The following ROBO1 variants were observed in gnomAD, a reference collection of about 807,000 sequenced individuals.
ROBO1 encodes roundabout homolog 1.
Under a neutral mutation model 195.9 loss-of-function variants are expected in ROBO1, and 149 were observed. That is an observed-to-expected ratio of 0.76 (90% CI 0.67 to 0.87). The LOEUF (loss-of-function observed/expected upper bound fraction) is 0.87. Ranked by LOEUF, ROBO1 falls within the 40% of genes least tolerant of loss-of-function variation. The probability of loss-of-function intolerance (pLI) is 0.00; values close to 1 mark genes in which losing one functional copy is unlikely to be tolerated. For synonymous variants in ROBO1, 816 were observed against 733.2 expected (o/e 1.11, Z -1.82); for missense variants, 1,933 against 2,068.3 (o/e 0.93, Z 1.27).
chr3:78,938,617 T>G lies in ROBO1; in HGVS notation c.483A>C (p.Ala161=). ...NYLGEAVSHN[A]SLEVAILRDD... is the part of the protein sequence containing the mutation. ...TTTACTTACTGGCTACTTCCAGCGATGCATTGTGGCTCACAGCCTCTCCAA... is the reference window on the plus strand; with the variant it reads ...TTTACTTACTGGCTACTTCCAGCGAGGCATTGTGGCTCACAGCCTCTCCAA... Residue 161 remains alanine, a synonymous_variant, in exon 4 of 31, where the codon GCA becomes GCC. Transcript: ENST00000464233. 1 of 1,610,116 alleles carries G rather than the reference T, an allele frequency of 6.2e-7. No individual in the cohort carries two copies. The highest frequency in any genetic ancestry group is 8.5e-7 in the Non-Finnish European group (1 of 1,176,794).
intron 26 of ROBO1, among the ~76,000 whole-genome samples, chr3:78,626,010 A>T (rs1704751944): frequency 6.6e-6 from 1 of 152,058 alleles, no homozygotes; most frequent in Admixed American, 6.6e-5. Context: ...AGGAAAACCG[A>T]TTTCTGTTAT....
intron 4 of ROBO1, among the ~76,000 whole-genome samples, chr3:78,919,088 T>A (rs779888844): frequency 2.6e-4 from 40 of 152,186 alleles, no homozygotes; most frequent in Non-Finnish European, 1.2e-4. Flanking sequence ...AAGATAATTA[T>A]GCCTACAACC....
At chr3:79,299,569 G>T (rs1422139723) in intron 2 of ROBO1, among the ~76,000 whole-genome samples, 2 of 152,222 alleles carry the variant, frequency 1.3e-5, no homozygotes, top group East Asian at 3.9e-4. Flanking sequence ...CTTGATATGA[G>T]ATTTGAAAAT....
Position 78,629,837 on chromosome 3 carries a change from G to A in ROBO1, c.3626+1324C>T, listed in dbSNP as rs77299463. 9.3e-3 allele frequency among the ~76,000 whole-genome samples: 1,410 copies of A among 152,212 alleles called. 28 individuals are homozygous for A. The highest frequency in any genetic ancestry group is 0.046 in the East Asian group (237 of 5,174). Reference sequence around the variant, plus strand: ...TCACAAAGAGGCCAAAAATTTGAGCGCCTGATGTGCATGTTCCCAGCTGAG... The same window carrying A: ...TCACAAAGAGGCCAAAAATTTGAGCACCTGATGTGCATGTTCCCAGCTGAG... On this transcript the variant is annotated intron_variant, in intron 25 of 30. Transcript: ENST00000464233.
intron 5 of ROBO1, among the ~76,000 whole-genome samples, chr3:78,740,347 T>C (rs2082495767): frequency 1.3e-5 from 2 of 151,534 alleles, no homozygotes; most frequent in Admixed American, 6.5e-5. Flanking sequence ...TCTCTAAAAA[T>C]TGACATTTAT....
rs192377596 is a variant in ROBO1 at position 79,365,382 on chromosome 3, G to A, written c.88+224442C>T. Among the ~76,000 whole-genome samples the A allele has an allele frequency of 2.0e-3, 310 of 152,252 alleles. 2 individuals are homozygous for A. The highest frequency in any genetic ancestry group is 6.2e-3 in the African/African-American group (259 of 41,534). On this transcript the variant is annotated intron_variant, in intron 2 of 30. Coordinates refer to ENST00000464233, the MANE Select transcript of ROBO1 (RefSeq NM_002941.4). ...GCAAGCTTAACTTGGTCCTGAATGTGGACAGACAAATGCATTTCTATCATA... is the reference window on the plus strand; with the variant it reads ...GCAAGCTTAACTTGGTCCTGAATGTAGACAGACAAATGCATTTCTATCATA...
intron 2 of ROBO1, among the ~76,000 whole-genome samples, chr3:79,497,425 CTT>C (rs952193650): frequency 8.6e-5 from 13 of 151,938 alleles, no homozygotes; most frequent in African/African-American, 2.9e-4. Context: ...AAAATAATAT[CTT>C]TTTTGTTTTG....
At chr3:79,575,766 C>T (rs1943465932) in intron 2 of ROBO1, among the ~76,000 whole-genome samples, 1 of 151,288 alleles carries the variant, frequency 6.6e-6, no homozygotes, top group African/African-American at 2.4e-5. Flanking sequence ...AGTGTTTTAA[C>T]ATAGTCATCT....
chr3:78,981,505 A>T (rs1042013792), intron 3 of ROBO1, among the ~76,000 whole-genome samples: 3 of 152,148 alleles, frequency 2.0e-5, no homozygotes, highest in African/African-American at 7.2e-5. Context: ...TTTTAAATAG[A>T]CAATCCAGTA....
intron 3 of ROBO1, among the ~76,000 whole-genome samples, chr3:79,005,380 A>G (rs567812257): frequency 2.0e-5 from 3 of 152,274 alleles, no homozygotes; most frequent in Non-Finnish European, 2.9e-5. Context: ...ATGATCCCCA[A>G]TGGGACTACC....
chr3:79,161,089 C>T (rs1263772674), intron 2 of ROBO1, among the ~76,000 whole-genome samples: 1 of 151,928 alleles, frequency 6.6e-6, no homozygotes, highest in Non-Finnish European at 1.5e-5. Flanking sequence ...TGGCATGAAA[C>T]TATAATAAAG....
chr3:79,377,518 TA>T (rs2036426293), intron 2 of ROBO1, among the ~76,000 whole-genome samples: 1 of 152,250 alleles, frequency 6.6e-6, no homozygotes, highest in Non-Finnish European at 1.5e-5. Context: ...CACTTACCAT[TA>T]ATAGAATTGC....
Position 79,126,979 on chromosome 3 carries a change from A to G in ROBO1, c.89-1440T>C, listed in dbSNP as rs189184424. ...CTCCTCCTTCCCGTAAGTGTCGCGTAATTATAATAACCTGATGTGGCTAAA... is the reference window on the plus strand; with the variant it reads ...CTCCTCCTTCCCGTAAGTGTCGCGTGATTATAATAACCTGATGTGGCTAAA... On this transcript the variant is annotated intron_variant, in intron 2 of 30. Transcript: ENST00000464233. 2.2e-3 allele frequency among the ~76,000 whole-genome samples: 341 copies of G among 151,908 alleles called. 1 individual carries two copies. Among genetic ancestry groups the G allele is most frequent in the Non-Finnish European group, 3.8e-3 (260 of 67,972 alleles).
At chr3:79,585,858 G>A (rs919737592) in intron 2 of ROBO1, among the ~76,000 whole-genome samples, 1 of 152,016 alleles carries the variant, frequency 6.6e-6, no homozygotes, top group African/African-American at 2.4e-5. Flanking sequence ...AATAGTCAGT[G>A]CAGTTAAAAA....
intron 3 of ROBO1, among the ~76,000 whole-genome samples, chr3:78,972,018 G>A (rs1000956631): frequency 6.6e-6 from 1 of 152,018 alleles, no homozygotes; most frequent in Non-Finnish European, 1.5e-5. Flanking sequence ...TGCCCACCTC[G>A]GCCTCCCAAA....
intron 29 of ROBO1, among the ~76,000 whole-genome samples, chr3:78,603,190 T>G (rs1301942043): frequency 6.6e-6 from 1 of 152,214 alleles, no homozygotes; most frequent in African/African-American, 2.4e-5. Context: ...TTTTTATGAC[T>G]TAAGCCTTCA....
At position 78,617,833 on chromosome 3, in the gene ROBO1, G is replaced by C. The variant is rs547029184; in HGVS notation, c.4084C>G (p.Leu1362Val). 3.1e-6 allele frequency: 5 copies of C among 1,613,924 alleles called. No individual in the cohort carries two copies. Among genetic ancestry groups the C allele is most frequent in the East Asian group, 2.2e-5 (1 of 44,822 alleles). Residue 1362 changes from leucine to valine, a missense_variant, in exon 27 of 31, where the codon CTG becomes GTG. Physicochemically the swap from Leu to Val is conservative, Grantham distance 32 (BLOSUM62 1). Coordinates refer to ENST00000464233, the MANE Select transcript of ROBO1 (RefSeq NM_002941.4). Reference sequence around the variant, plus strand: ...ATGGACCCCGTGACAGAGCTCTCCAGGTCCCCAACACTGGAGGCAGGTGTC... The same window carrying C: ...ATGGACCCCGTGACAGAGCTCTCCACGTCCCCAACACTGGAGGCAGGTGTC... ...EQTPASSVGD[L>V]ESSVTGSMIN...
intron 1 of ROBO1, among the ~76,000 whole-genome samples, chr3:79,628,342 A>G (rs768734581): frequency 1.3e-5 from 2 of 152,316 alleles, no homozygotes; most frequent in Non-Finnish European, 2.9e-5. Flanking sequence ...AGGGACATGG[A>G]TGAAGCTGGA....
rs114549421 is a variant in ROBO1 at position 79,484,498 on chromosome 3, T to C, written c.88+105326A>G. On this transcript the variant is annotated intron_variant, in intron 2 of 30. Transcript: ENST00000464233. ...CACAAATAAGGATTTCAGGCATATA[T>C]ATATATGTGTGTGTGTGTATATATG... Among the ~76,000 whole-genome samples, 709 of 152,158 alleles carry C rather than the reference T, an allele frequency of 4.7e-3. 3 individuals carry two copies. The highest frequency in any genetic ancestry group is 0.016 in the African/African-American group (675 of 41,506).
Sources: allele counts gnomAD v4.1 joint callset (sites outside exome capture counted in the v4.1 genomes callset), GRCh38; gene constraint gnomAD v4.1.1; transcripts MANE v1.5; gene names NCBI Gene and HGNC (gene_info 2026-07-23, HGNC 2026-07-21).